The following PLCH1 variants were observed in gnomAD, a reference collection of about 807,000 sequenced individuals.
PLCH1 encodes the protein phospholipase C eta 1, also known as 1-phosphatidylinositol 4,5-bisphosphate phosphodiesterase eta-1.
PLCH1 carries 60 observed loss-of-function variants against 126.7 expected under a neutral mutation model. That is an observed-to-expected ratio of 0.47 (90% CI 0.38 to 0.59). The LOEUF is 0.59. Among genes scored for constraint, PLCH1 ranks in the 20% least tolerant of loss-of-function variants. PLCH1 has a pLI of 0.00. For missense variants in PLCH1, 1,723 were observed against 2,040.0 expected (o/e 0.84, Z 2.99); for synonymous variants, 719 against 734.9 (o/e 0.98, Z 0.35).
intron 8 of PLCH1, among the ~76,000 whole-genome samples, chr3:155,558,246 G>T (rs1242648401): frequency 6.6e-6 from 1 of 152,210 alleles, no homozygotes; most frequent in Non-Finnish European, 1.5e-5. Flanking sequence ...AGCAAAAGCT[G>T]CTTCAGAAAA....
chr3:155,482,428 T>G lies in PLCH1; in HGVS notation c.3598A>C (p.Asn1200His), dbSNP rs1281267192. The change falls in exon 23 of 23, where the codon AAT becomes CAT. Residue 1200 changes from asparagine (N) to histidine (H), a missense_variant. Asn to His is a moderately conservative substitution (Grantham distance 68). Transcript: ENST00000460012. The stretch of plus-strand genomic sequence containing the variant: ...TGAGAAACAACTGTGAGAGCCTGAT[T>G]GTTGGTCTCATCAAACTGGCCAATC... ...ALIGQFDETN[N>H]QALTVVSHLH... 6.2e-7 allele frequency: 1 copy of G among 1,614,024 alleles called. No homozygotes were observed. The highest frequency in any genetic ancestry group is 1.3e-5 in the African/African-American group (1 of 74,910).
chr3:155,546,487 C>T (rs994443778), intron 10 of PLCH1, among the ~76,000 whole-genome samples: 21 of 152,164 alleles, frequency 1.4e-4, no homozygotes, highest in Non-Finnish European at 1.5e-5. Flanking sequence ...AGATTCAATG[C>T]CATCCCCATC....
intron 1 of PLCH1, 78 bp from the exon 2 acceptor site, chr3:155,704,342 G>A (rs948781663): frequency 1.5e-5 from 6 of 409,904 alleles, no homozygotes; most frequent in African/African-American, 4.1e-5. Context: ...AATGCCATCG[G>A]TTGCCCAGCA....
Position 155,481,288 on chromosome 3 carries a change from T to C in PLCH1, c.4738A>G (p.Asn1580Asp). The C allele has an allele frequency of 6.2e-7, 1 of 1,614,222 alleles. No homozygotes were observed. ...LSSRSQSRVR[N>D]IASRAKEKQE... ...TTCTCCTTGGCACGACTAGCAATAT[T>C]GCGCACTCTGCTCTGACTTCTGGAT... Residue 1580 changes from asparagine to aspartate, a missense_variant, in exon 23 of 23, where the codon AAT becomes GAT. Around this residue, in one of 2 missense-constraint regions of PLCH1, gnomAD observed 947 missense variants for 977.1 expected, o/e 0.97. Transcript: ENST00000460012. This position sits in a 1 kb window ranked among gnomAD's most constrained non-coding sequence, Gnocchi z 4.2.
chr3:155,630,560 CCT>C (rs1219642409), intron 2 of PLCH1, among the ~76,000 whole-genome samples: 1 of 152,180 alleles, frequency 6.6e-6, no homozygotes, highest in African/African-American at 2.4e-5. Flanking sequence ...ATTTTAGGCT[CCT>C]CTAGTTTTCT....
rs1560039343 is a variant in PLCH1, at chr3:155,480,762, G to C, written c.*206C>G. 2 of 548,130 alleles carry C rather than the reference G, an allele frequency of 3.6e-6. No homozygotes were observed. The highest frequency in any genetic ancestry group is 3.0e-5 in the East Asian group (1 of 33,608). 34.0% of individuals were successfully genotyped at this position (548,130 alleles called of 1,614,324 possible). On this transcript the variant is annotated 3_prime_UTR_variant, in exon 23 of 23. Coordinates refer to ENST00000460012, the MANE Select transcript of PLCH1 (RefSeq NM_014996.4). ...ATACAGTTTACAACAACTCAAGGGA[G>C]AAAGATCATAATAGGTACATGGGAA...
At chr3:155,741,770 G>A (rs1250294222) in intron 1 of PLCH1, among the ~76,000 whole-genome samples, 1 of 136,934 alleles carries the variant, frequency 7.3e-6, no homozygotes, top group Non-Finnish European at 1.5e-5. Context: ...GGAAGCTGCA[G>A]AAGGTTCATT....
intron 1 of PLCH1, among the ~76,000 whole-genome samples, chr3:155,727,881 A>G (rs1392362806): frequency 6.6e-6 from 1 of 150,978 alleles, no homozygotes; most frequent in South Asian, 2.1e-4. Flanking sequence ...GAAAGAAAAT[A>G]CGGTGATTTT....
chr3:155,627,396 C>T (rs937297856), intron 2 of PLCH1, among the ~76,000 whole-genome samples: 4 of 151,954 alleles, frequency 2.6e-5, no homozygotes, highest in Admixed American at 6.6e-5. Context: ...TTTGGGAGGC[C>T]GAGGCAGGCC....
At chr3:155,637,142 C>A (rs1362120931) in intron 2 of PLCH1, among the ~76,000 whole-genome samples, 1 of 152,262 alleles carries the variant, frequency 6.6e-6, no homozygotes, top group African/African-American at 2.4e-5. Flanking sequence ...CTTTTCCCCC[C>A]AAACTGATTG....
intron 1 of PLCH1, among the ~76,000 whole-genome samples, chr3:155,713,885 C>T: frequency 6.6e-6 from 1 of 152,156 alleles, no homozygotes; most frequent in Middle Eastern, 3.2e-3. Flanking sequence ...ATATCCCAAT[C>T]CATTCATCTT....
intron 1 of PLCH1, among the ~76,000 whole-genome samples, chr3:155,713,000 A>T (rs1747256742): frequency 6.6e-6 from 1 of 151,280 alleles, no homozygotes; most frequent in Middle Eastern, 3.2e-3. Flanking sequence ...TCTTTAAAAA[A>T]AAAAAAGCCC....
At chr3:155,539,126 C>A (rs1009532146) in intron 10 of PLCH1, among the ~76,000 whole-genome samples, 1 of 151,824 alleles carries the variant, frequency 6.6e-6, no homozygotes, top group Non-Finnish European at 1.5e-5. Context: ...ATGTGATATA[C>A]CACATAAACA....
intron 2 of PLCH1, among the ~76,000 whole-genome samples, chr3:155,699,822 TCA>T (rs59082626): frequency 0.43 from 63,141 of 147,668 alleles, 14,338 homozygotes; most frequent in Non-Finnish European, 0.52. Context: ...CTGTGACCAT[TCA>T]CACACACACA....
Position 155,483,000 on chromosome 3 carries a change from T to A in PLCH1, c.3026A>T (p.His1009Leu). ...RKGKASIKDP[H>L]FLNFNKKLSS... ...TAACTTTTTGTTGAAATTTAGAAAA[T>A]GTGGATCTTTTATACTTGCTTTCCC... is the stretch of plus-strand genomic sequence containing the variant. The change falls in exon 23 of 23, where the codon CAT becomes CTT. Residue 1009 changes from histidine to leucine, a missense_variant. Coordinates refer to ENST00000460012, the MANE Select transcript of PLCH1 (RefSeq NM_014996.4). 6.2e-7 allele frequency: 1 copy of A among 1,613,960 alleles called. No homozygotes were observed. The highest frequency in any genetic ancestry group is 8.5e-7 in the Non-Finnish European group (1 of 1,179,904).
chr3:155,613,321 C>T (rs774807119), intron 2 of PLCH1, among the ~76,000 whole-genome samples: 4 of 147,894 alleles, frequency 2.7e-5, no homozygotes, highest in Non-Finnish European at 5.9e-5. Context: ...TCACCCAATA[C>T]CAAAACAAGG....
In PLCH1 at chr3:155,716,799, C is replaced by T. The variant is rs143960197; in HGVS notation, c.-40-12535G>A. On this transcript the variant is annotated intron_variant, in intron 1 of 22. Coordinates refer to ENST00000460012, the MANE Select transcript of PLCH1 (RefSeq NM_014996.4). ...CTATATCATTCAGCCCTTGGCCCCC[C>T]AAATCTCATGTCCTCCTTATATTGC... Among the ~76,000 whole-genome samples, 1,311 of 152,276 alleles carry T rather than the reference C, an allele frequency of 8.6e-3. 19 individuals carry two copies. The highest frequency in any genetic ancestry group is 0.03 in the African/African-American group (1,257 of 41,548).
chr3:155,715,263 C>T (rs904269357), intron 1 of PLCH1, among the ~76,000 whole-genome samples: 3 of 152,052 alleles, frequency 2.0e-5, no homozygotes, highest in African/African-American at 4.8e-5. Flanking sequence ...CAGTAATCTC[C>T]ATTGAATAAC....
chr3:155,656,174 C>G (rs947610565), intron 2 of PLCH1, among the ~76,000 whole-genome samples: 16 of 151,244 alleles, frequency 1.1e-4, no homozygotes, highest in South Asian at 2.1e-4. Flanking sequence ...TTACCCCCCC[C>G]CAAATAAAAA....
Sources: gnomAD v4.1 joint callset for allele counts (sites outside exome capture counted in the v4.1 genomes callset) on GRCh38, gnomAD v4.1.1 for gene constraint, gnomAD v4.1.1 regional missense constraint, Gnocchi (gnomAD v3.1) non-coding constraint, MANE v1.5 for transcripts, NCBI Gene and HGNC (gene_info 2026-07-23, HGNC 2026-07-21) for gene names.